The following MYOCD variants were observed in gnomAD, a reference collection of about 807,000 sequenced individuals.
MYOCD encodes the protein myocardin.
A neutral mutation model predicts 96.1 loss-of-function variants in MYOCD; 32 were observed. That is an observed-to-expected ratio of 0.33 (90% CI 0.25 to 0.45). MYOCD has a LOEUF of 0.45. MYOCD is among the 20% of genes least tolerant of loss of function. The pLI, the probability that MYOCD is intolerant of heterozygous loss-of-function variation, is 1.00. For missense variants in MYOCD, 1,133 were observed against 1,200.6 expected (o/e 0.94, Z 0.83); for synonymous variants, 469 against 469.0 (o/e 1.00, Z 0.00).
At chr17:12,712,350 G>C (rs1448931807) in intron 2 of MYOCD, among the ~76,000 whole-genome samples, 1 of 152,050 alleles carries the variant, frequency 6.6e-6, no homozygotes, top group African/African-American at 2.4e-5. Context: ...GAGAAGTCAG[G>C]GTCTGCACCA....
In MYOCD at chr17:12,693,104, T is replaced by C. The variant is rs144908035; in HGVS notation, c.56-12024T>C. On this transcript the variant is annotated intron_variant, in intron 1 of 13. Transcript: ENST00000425538. ...GTTTCTATGCATTTTTAAATAATTA[T>C]TAAACAGTGGGCTGCTTCTCTGACT... is the stretch of plus-strand genomic sequence containing the variant. 1.4e-3 allele frequency among the ~76,000 whole-genome samples: 211 copies of C among 152,260 alleles called. 3 individuals carry two copies. The highest frequency in any genetic ancestry group is 4.8e-3 in the African/African-American group (199 of 41,544).
chr17:12,738,978 C>T (rs2032426217), intron 6 of MYOCD, among the ~76,000 whole-genome samples: 1 of 151,980 alleles, frequency 6.6e-6, no homozygotes, highest in African/African-American at 2.4e-5. Flanking sequence ...TATGTATATA[C>T]ACATAAACAT....
rs555500661 is a variant in MYOCD at position 12,764,115 on chromosome 17, T to C, written c.*471T>C. 1 of 152,744 alleles carries C rather than the reference T, an allele frequency of 6.5e-6. No individual in the cohort carries two copies. The highest frequency in any genetic ancestry group is 1.9e-4 in the East Asian group (1 of 5,170). The allele number at this position is 152,744 out of a possible 1,614,324, so 9.5% of individuals were successfully genotyped here. A position where few individuals can be genotyped will look rare whatever the true frequency, so the allele number is the denominator to read the frequency against. On this transcript the variant is annotated 3_prime_UTR_variant, in exon 14 of 14. Coordinates refer to ENST00000425538, the MANE Select transcript of MYOCD (RefSeq NM_001146312.3). ...GCAATGGAAGCTGTTGCCCAATGTC[T>C]CCATTACTATCTTTCAAAAGAGAAG...
intron 11 of MYOCD, 138 bp downstream of exon 11, chr17:12,756,695 C>CAAAAAAAAAAAAAAAAAAAAAAAAAAAA (rs11307445): frequency 1.6e-4 from 21 of 134,318 alleles, no homozygotes; most frequent in Admixed American, 3.4e-4. Flanking sequence ...GACTGCATCT[C>CAAAAAAAAAAAAAAAAAAAAAAAAAAAA]AAAAAAAAAA....
chr17:12,680,163 G>T (rs1910364890), intron 1 of MYOCD, among the ~76,000 whole-genome samples: 1 of 152,110 alleles, frequency 6.6e-6, no homozygotes, highest in South Asian at 2.1e-4. Flanking sequence ...AATTTTAGAA[G>T]AACTTCTTTG....
intron 13 of MYOCD, chr17:12,761,949 T>C (rs2033190116): frequency 6.6e-6 from 1 of 152,298 alleles, no homozygotes; most frequent in African/African-American, 2.4e-5. Flanking sequence ...TAATGAAATA[T>C]GTGGCAAGGC....
At chr17:12,729,453 G>T (rs1294746500) in intron 5 of MYOCD, among the ~76,000 whole-genome samples, 1 of 152,158 alleles carries the variant, frequency 6.6e-6, no homozygotes, top group Non-Finnish European at 1.5e-5. Context: ...TCATTGAGAG[G>T]TGGGCAGGGC....
At chr17:12,699,526 C>G (rs1459509800) in intron 1 of MYOCD, among the ~76,000 whole-genome samples, 2 of 152,226 alleles carry the variant, frequency 1.3e-5, no homozygotes, top group African/African-American at 4.8e-5. Context: ...GCCCTAACCT[C>G]TCAGCCTTTC....
chr17:12,666,273 T>C, intron 1 of MYOCD, 30 bp downstream of exon 1: 1 of 1,530,826 alleles, frequency 6.5e-7, no homozygotes, highest in South Asian at 1.1e-5. Context: ...CATTCCTTCT[T>C]AAACTTTCCT....
intron 10 of MYOCD, 22 bp downstream of exon 10, chr17:12,753,368 C>T: frequency 6.6e-7 from 1 of 1,523,108 alleles, no homozygotes; most frequent in South Asian, 1.3e-5. Context: ...TTGCGCCATG[C>T]CTGGTGCACA....
At position 12,762,642 on chromosome 17, in the gene MYOCD, A is replaced by C. The variant is rs139929393; in HGVS notation, c.2390-431A>C. ...CAGTAGATGAGGGGGAGTGACCAGG[A>C]GGCTAGGGGTGAGGCATTGCTGTCA... On this transcript the variant is annotated intron_variant, in intron 13 of 13. Coordinates refer to ENST00000425538, the MANE Select transcript of MYOCD (RefSeq NM_001146312.3). The C allele has an allele frequency of 1.5e-4, 24 of 158,738 alleles. No individual in the cohort carries two copies. The East Asian group carries it at 4.3e-3, about 29-fold the overall frequency. 9.8% of individuals were successfully genotyped at this position (158,738 alleles called of 1,614,324 possible). A position where few individuals can be genotyped will look rare whatever the true frequency, so the allele number is the denominator to read the frequency against.
chr17:12,744,319 C>T lies in MYOCD; in HGVS notation c.854C>T (p.Ala285Val), dbSNP rs771450348. The T allele has an allele frequency of 6.2e-7, 1 of 1,614,208 alleles. No individual in the cohort carries two copies. The highest frequency in any genetic ancestry group is 2.2e-5 in the East Asian group (1 of 44,886). ...AEKSPPPMDS[A>V]YARLLQQQQL... ...AAGTCCCCTCCACCTATGGACTCAG[C>T]CTACGCTCGGCTGCTCCAGCAACAG... The change falls in exon 8 of 14, where the codon GCC becomes GTC. Residue 285 changes from alanine (A) to valine (V), a missense_variant. Physicochemically the swap from Ala to Val is moderately conservative, Grantham distance 64. Coordinates refer to ENST00000425538, the MANE Select transcript of MYOCD (RefSeq NM_001146312.3).
intron 1 of MYOCD, among the ~76,000 whole-genome samples, chr17:12,685,511 C>T (rs1461267542): frequency 6.6e-6 from 1 of 151,474 alleles, no homozygotes. Context: ...GAGGCTGCGG[C>T]AGGAGAATCA....
intron 1 of MYOCD, among the ~76,000 whole-genome samples, chr17:12,700,880 C>T (rs7212891): frequency 0.31 from 46,442 of 151,726 alleles, 8,959 homozygotes; most frequent in African/African-American, 0.55. Flanking sequence ...GTAAGACTGC[C>T]GGGGCCTGAA....
chr17:12,698,773 G>C (rs371292306), intron 1 of MYOCD, among the ~76,000 whole-genome samples: 4 of 113,678 alleles, frequency 3.5e-5, no homozygotes, highest in South Asian at 2.9e-4. Context: ...GACAGAGTCT[G>C]GCTCTGTTGC....
At chr17:12,749,974 C>T (rs1032111323) in intron 9 of MYOCD, among the ~76,000 whole-genome samples, 2 of 151,876 alleles carry the variant, frequency 1.3e-5, no homozygotes, top group African/African-American at 2.4e-5. Context: ...CTCAGCCTCC[C>T]GAATAGCTGG....
chr17:12,679,182 G>T (rs1300772204), intron 1 of MYOCD, among the ~76,000 whole-genome samples: 1 of 151,982 alleles, frequency 6.6e-6, no homozygotes, highest in East Asian at 1.9e-4. Flanking sequence ...CAACCTAACA[G>T]TCCGTCTGCT....
At chr17:12,691,438 G>C (rs977972175) in intron 1 of MYOCD, among the ~76,000 whole-genome samples, 1 of 152,160 alleles carries the variant, frequency 6.6e-6, no homozygotes, top group Admixed American at 6.5e-5. Context: ...TTGGAGACTT[G>C]GTCGGGGCCA....
At chr17:12,727,355 A>T (rs536142175) in intron 5 of MYOCD, among the ~76,000 whole-genome samples, 1 of 152,304 alleles carries the variant, frequency 6.6e-6, no homozygotes, top group South Asian at 2.1e-4. Context: ...CAGGAATATC[A>T]TAAAGACAGA....
Sources: gnomAD v4.1 joint callset for allele counts (sites outside exome capture counted in the v4.1 genomes callset) on GRCh38, gnomAD v4.1.1 for gene constraint, MANE v1.5 for transcripts, NCBI Gene and HGNC (gene_info 2026-07-23, HGNC 2026-07-21) for gene names.